Variants in CSMD1 observed in about 807,000 individuals in gnomAD.
The protein encoded by CSMD1 is CUB and Sushi multiple domains 1.
Under a neutral mutation model 417.5 loss-of-function variants are expected in CSMD1, and 213 were observed. That is an observed-to-expected ratio of 0.51 (90% CI 0.46 to 0.57). The LOEUF is 0.57. Ranked by LOEUF, CSMD1 falls within the 20% of genes least tolerant of loss-of-function variation. CSMD1 has a pLI of 0.00. For missense variants in CSMD1, 6,923 were observed against 4,529.7 expected, an observed-to-expected ratio of 1.53 and a Z score of -15.17; for synonymous variants, 2,862 against 1,736.8, an observed-to-expected ratio of 1.65 and a Z score of -16.11.
At chr8:4,910,716 G>GT (rs1382515326) in intron 1 of CSMD1, among the ~76,000 whole-genome samples, 2 of 152,138 alleles carry the variant, frequency 1.3e-5, no homozygotes, top group African/African-American at 4.8e-5. Context: ...GATATTCTTT[G>GT]TAAGTGTTAA....
At chr8:4,423,226 A>G (rs1585051077) in intron 2 of CSMD1, among the ~76,000 whole-genome samples, 1 of 152,200 alleles carries the variant, frequency 6.6e-6, no homozygotes, top group African/African-American at 2.4e-5. Context: ...TAATACAAGA[A>G]AAGAAAATAT....
intron 5 of CSMD1, among the ~76,000 whole-genome samples, chr8:3,956,139 C>T (rs1201994382): frequency 6.6e-6 from 1 of 151,942 alleles, no homozygotes; most frequent in Non-Finnish European, 1.5e-5. Context: ...AGATCCTGGA[C>T]CAAAATCTAA....
chr8:4,875,466 T>C (rs569881278), intron 1 of CSMD1, among the ~76,000 whole-genome samples: 1 of 152,144 alleles, frequency 6.6e-6, no homozygotes, highest in South Asian at 2.1e-4. Flanking sequence ...CCATTTTACA[T>C]GTTTGGATGC....
At chr8:3,518,301 C>G (rs1477925668) in intron 10 of CSMD1, among the ~76,000 whole-genome samples, 4 of 152,096 alleles carry the variant, frequency 2.6e-5, no homozygotes, top group South Asian at 2.1e-4. Context: ...TTCATGCAGC[C>G]AAAAGCTGAC....
chr8:3,888,989 C>T (rs1021978811), intron 5 of CSMD1, among the ~76,000 whole-genome samples: 24 of 151,998 alleles, frequency 1.6e-4, no homozygotes, highest in African/African-American at 5.8e-4. Flanking sequence ...TCCTTTATGA[C>T]CAAAAGTACT....
At chr8:3,674,195 G>C (rs1328949474) in intron 7 of CSMD1, among the ~76,000 whole-genome samples, 1 of 152,128 alleles carries the variant, frequency 6.6e-6, no homozygotes, top group Non-Finnish European at 1.5e-5. Flanking sequence ...ACAAGACCCT[G>C]AGTTGTCTCT....
At chr8:3,723,923 T>G (rs887239300) in intron 6 of CSMD1, among the ~76,000 whole-genome samples, 7 of 152,306 alleles carry the variant, frequency 4.6e-5, no homozygotes, top group African/African-American at 1.7e-4. Context: ...GCAGATTCCA[T>G]TTTGTAGCTA....
At position 3,409,687 on chromosome 8, in the gene CSMD1, G is replaced by A. The variant is rs545757987; in HGVS notation, c.1562-82C>T. The A allele has an allele frequency of 1.5e-5, 17 of 1,146,382 alleles. 1 individual carries two copies. Among genetic ancestry groups the A allele is most frequent in the South Asian group, 4.1e-5 (2 of 49,126 alleles). 71.0% of individuals were successfully genotyped at this position (1,146,382 alleles called of 1,614,324 possible). A position where few individuals can be genotyped will look rare whatever the true frequency, so the allele number is the denominator to read the frequency against. On this transcript the variant is annotated intron_variant, in intron 12 of 69. Coordinates refer to ENST00000635120, the MANE Select transcript of CSMD1 (RefSeq NM_033225.6). ...TCTCTACAACTTAGAAAGTAAATACGTGGCTTCTTTTTGCTGAACTAAACA... is the reference window on the plus strand; with the variant it reads ...TCTCTACAACTTAGAAAGTAAATACATGGCTTCTTTTTGCTGAACTAAACA...
intron 3 of CSMD1, among the ~76,000 whole-genome samples, chr8:4,200,005 C>T (rs1269185495): frequency 1.3e-5 from 2 of 152,120 alleles, no homozygotes; most frequent in Non-Finnish European, 2.9e-5. Context: ...TTCAAGGGCC[C>T]TGGACTTGTT....
At chr8:4,471,782 G>C (rs1031856359) in intron 2 of CSMD1, among the ~76,000 whole-genome samples, 1 of 152,046 alleles carries the variant, frequency 6.6e-6, no homozygotes, top group Admixed American at 6.6e-5. Context: ...GGAGACTGAG[G>C]AGCAATATAT....
At position 3,266,432 on chromosome 8, in the gene CSMD1, C is replaced by A. The variant is rs1585857078; in HGVS notation, c.4153+17712G>T. On this transcript the variant is annotated intron_variant, in intron 26 of 69. Transcript: ENST00000635120. Reference sequence around the variant, plus strand: ...ACCAGCCTGGCTAACATGGCAAAACCCCATTTCTATGAAAAATACAAAAAT... The same window carrying A: ...ACCAGCCTGGCTAACATGGCAAAACACCATTTCTATGAAAAATACAAAAAT... Among the ~76,000 whole-genome samples, 3 of 151,426 alleles carry A rather than the reference C, an allele frequency of 2.0e-5. No homozygotes were observed. In the South Asian group the frequency reaches 6.3e-4, roughly 32 times the overall value.
At chr8:3,663,479 G>T (rs1050800834) in intron 7 of CSMD1, among the ~76,000 whole-genome samples, 59 of 152,082 alleles carry the variant, frequency 3.9e-4, no homozygotes, top group African/African-American at 1.4e-3. Flanking sequence ...GACTGTGAAA[G>T]GAAAATGAAC....
chr8:4,921,873 C>T (rs142176999), intron 1 of CSMD1, among the ~76,000 whole-genome samples: 21 of 152,288 alleles, frequency 1.4e-4, no homozygotes, highest in African/African-American at 4.3e-4. Context: ...CCAAGAGTGA[C>T]TGTATTCACT....
intron 3 of CSMD1, among the ~76,000 whole-genome samples, chr8:4,181,954 C>CTGTG (rs1214294145): frequency 2.1e-4 from 5 of 23,968 alleles, no homozygotes; most frequent in Non-Finnish European, 4.7e-4. Flanking sequence ...TTGTCTGTGT[C>CTGTG]TGCGTGTGTG....
chr8:3,647,542 G>A (rs1341865211), intron 7 of CSMD1, among the ~76,000 whole-genome samples: 1 of 152,090 alleles, frequency 6.6e-6, no homozygotes, highest in Non-Finnish European at 1.5e-5. Flanking sequence ...ATATAGTATA[G>A]AGACAAATAC....
chr8:4,008,515 G>C lies in CSMD1; in HGVS notation c.611-10405C>G, dbSNP rs553570834. On this transcript the variant is annotated intron_variant, in intron 4 of 69. Coordinates refer to ENST00000635120, the MANE Select transcript of CSMD1 (RefSeq NM_033225.6). ...TTACACATGATGCAGAACAAAACTT[G>C]AAGTTATTGTTGAAAGTTACAGATA... Among the ~76,000 whole-genome samples the C allele has an allele frequency of 4.1e-5, 6 of 147,750 alleles. No homozygotes were observed. The East Asian group carries it at 1.0e-3, about 25-fold the overall frequency.
intron 25 of CSMD1, 124 bp from the exon 26 acceptor site, chr8:3,284,470 A>C: frequency 4.4e-6 from 3 of 685,900 alleles, no homozygotes; most frequent in South Asian, 3.5e-5. Flanking sequence ...CTCGGTACTT[A>C]CTGTCTGACA....
intron 5 of CSMD1, among the ~76,000 whole-genome samples, chr8:3,904,763 A>C (rs1807998940): frequency 6.6e-6 from 1 of 151,554 alleles, no homozygotes; most frequent in African/African-American, 2.4e-5. Context: ...CAGCCTCCCA[A>C]GTAGCTGAGA....
At chr8:3,950,079 A>G (rs1811504077) in intron 5 of CSMD1, 1 of 444,764 alleles carries the variant, frequency 2.2e-6, no homozygotes, top group Non-Finnish European at 4.5e-6. Context: ...GAAAATAAAA[A>G]GAAAATCTTC....
Sources: allele counts gnomAD v4.1 joint callset (sites outside exome capture counted in the v4.1 genomes callset), GRCh38; gene constraint gnomAD v4.1.1; transcripts MANE v1.5; gene names NCBI Gene and HGNC (gene_info 2026-07-23, HGNC 2026-07-21).